The following SCAPER variants were observed in gnomAD, a reference collection of about 807,000 sequenced individuals.
The protein encoded by SCAPER is S-phase cyclin A associated protein in the ER, also known as S phase cyclin A-associated protein in the endoplasmic reticulum.
SCAPER carries 98 observed loss-of-function variants against 182.2 expected under a neutral mutation model. That is an observed-to-expected ratio of 0.54 (90% confidence interval 0.46 to 0.64). The LOEUF is 0.64. SCAPER is among the 30% of genes least tolerant of loss of function. The pLI is 0.00. For synonymous variants in SCAPER, 605 were observed against 564.6 expected (o/e 1.07, Z -1.01); for missense variants, 1,432 against 1,690.0 (o/e 0.85, Z 2.68).
intron 1 of SCAPER, among the ~76,000 whole-genome samples, chr15:76,895,774 C>T (rs1231951587): frequency 1.3e-5 from 2 of 152,144 alleles, no homozygotes; most frequent in Admixed American, 1.3e-4. Flanking sequence ...GGTGCAGGAG[C>T]TCACGCCTAT....
At chr15:76,826,451 T>C (rs541867969) in intron 5 of SCAPER, among the ~76,000 whole-genome samples, 2 of 148,070 alleles carry the variant, frequency 1.4e-5, no homozygotes, top group East Asian at 4.2e-4. Flanking sequence ...TTGGGAGATA[T>C]ACCTAATGCT....
chr15:76,713,198 A>C (rs75208359), intron 17 of SCAPER, among the ~76,000 whole-genome samples: 1 of 151,972 alleles, frequency 6.6e-6, no homozygotes. Flanking sequence ...AAACTAGTTC[A>C]ACCATTGTGG....
At chr15:76,806,064 CAA>C (rs2066141106) in intron 5 of SCAPER, among the ~76,000 whole-genome samples, 1 of 152,094 alleles carries the variant, frequency 6.6e-6, no homozygotes, top group Non-Finnish European at 1.5e-5. Context: ...TTGACACACA[CAA>C]GTTTTTAATT....
intron 8 of SCAPER, among the ~76,000 whole-genome samples, chr15:76,781,252 C>A (rs1422153796): frequency 6.6e-6 from 1 of 152,032 alleles, no homozygotes; most frequent in African/African-American, 2.4e-5. Context: ...GCACAAGCTT[C>A]AATAGCGGAT....
In SCAPER at chr15:76,804,614, T is replaced by C; in HGVS notation, c.413A>G (p.Asp138Gly). 1 of 1,608,200 alleles carries C rather than the reference T, an allele frequency of 6.2e-7. No homozygotes were observed. The highest frequency in any genetic ancestry group is 8.5e-7 in the Non-Finnish European group (1 of 1,177,856). Residue 138 changes from aspartate (D) to glycine (G), a missense_variant, in exon 6 of 32, where the codon GAT becomes GGT. By Grantham distance (94) the Asp-to-Gly change is moderately conservative (BLOSUM62 -1). Around this residue, in one of 5 missense-constraint regions of SCAPER, gnomAD observed 480 missense variants for 510.2 expected, o/e 0.94. Transcript: ENST00000563290. ...TGCTTTGAAATCTCTTACATAGTTA[T>C]CCAGCATCATTAGCACCTCCTAAAA... is the stretch of plus-strand genomic sequence containing the variant. Reference protein sequence around the residue: ...VECKEVLMMLDNYVRDFKALI... With the variant: ...VECKEVLMMLGNYVRDFKALI...
intron 22 of SCAPER, among the ~76,000 whole-genome samples, chr15:76,612,362 C>T (rs943605508): frequency 3.3e-5 from 5 of 152,086 alleles, no homozygotes; most frequent in African/African-American, 9.7e-5. Flanking sequence ...CTCAGCCTCC[C>T]GAGTAGCTGA....
At position 76,594,540 on chromosome 15, in the gene SCAPER, T is replaced by C. The variant is rs372426626; in HGVS notation, c.2712-20256A>G. On this transcript the variant is annotated intron_variant, in intron 22 of 31. Transcript: ENST00000563290. ...CACATAATCATCAGATTCACCAAGG[T>C]TGAAATGAAGGAAAACATGTTAAGG... 2.3e-4 allele frequency among the ~76,000 whole-genome samples: 27 copies of C among 119,714 alleles called. 6 individuals are homozygous for C. The highest frequency in any genetic ancestry group is 6.6e-4 in the Admixed American group (7 of 10,544). The allele number at this position is 119,714 out of a possible 152,430, so 78.5% of individuals were successfully genotyped here.
chr15:76,667,750 C>T lies in SCAPER; in HGVS notation c.2509-1961G>A, dbSNP rs765263784. ...GGAGGATCACTTGAGGGCAAGAGTT[C>T]GAGACCAGCCTGGCCAACATGGTAG... is the stretch of plus-strand genomic sequence containing the variant. On this transcript the variant is annotated intron_variant, in intron 20 of 31. Coordinates refer to ENST00000563290, the MANE Select transcript of SCAPER (RefSeq NM_020843.4). 1.2e-4 allele frequency among the ~76,000 whole-genome samples: 18 copies of T among 149,714 alleles called. 1 individual carries two copies. The highest frequency in any genetic ancestry group is 3.2e-4 in the African/African-American group (13 of 40,748).
intron 25 of SCAPER, among the ~76,000 whole-genome samples, chr15:76,463,089 T>C (rs1054805173): frequency 2.0e-5 from 3 of 152,130 alleles, no homozygotes; most frequent in African/African-American, 7.2e-5. Flanking sequence ...ATAAGACATA[T>C]GGCACAGGAG....
intron 5 of SCAPER, among the ~76,000 whole-genome samples, chr15:76,840,743 C>A (rs1017195303): frequency 6.6e-6 from 1 of 152,132 alleles, no homozygotes. Context: ...CTCTGGTTTT[C>A]CTCAAAATAG....
Position 76,528,708 on chromosome 15 carries a change from A to G in SCAPER, c.2839-23734T>C, listed in dbSNP as rs73446205. 6.6e-3 allele frequency among the ~76,000 whole-genome samples: 1,011 copies of G among 152,266 alleles called. 12 individuals are homozygous for G. The highest frequency in any genetic ancestry group is 0.023 in the African/African-American group (965 of 41,548). On this transcript the variant is annotated intron_variant, in intron 23 of 31. Coordinates refer to ENST00000563290, the MANE Select transcript of SCAPER (RefSeq NM_020843.4). Reference sequence around the variant, plus strand: ...CTATAGGTTTGCCTTCCTCCAATCTACTCACCACATTGCAGCCTGAAAGAT... The same window carrying G: ...CTATAGGTTTGCCTTCCTCCAATCTGCTCACCACATTGCAGCCTGAAAGAT...
At chr15:76,488,294 G>A (rs191924855) in intron 24 of SCAPER, among the ~76,000 whole-genome samples, 12 of 152,116 alleles carry the variant, frequency 7.9e-5, no homozygotes, top group African/African-American at 2.9e-4. Context: ...GGGCACAGAG[G>A]ATGATAAAAT....
chr15:76,448,889 G>A (rs2048184846), intron 25 of SCAPER, among the ~76,000 whole-genome samples: 1 of 152,186 alleles, frequency 6.6e-6, no homozygotes, highest in Non-Finnish European at 1.5e-5. Flanking sequence ...GTTGTGACAG[G>A]AAAGGGTGAT....
intron 17 of SCAPER, among the ~76,000 whole-genome samples, chr15:76,720,444 A>T (rs2060160558): frequency 1.3e-5 from 2 of 152,234 alleles, no homozygotes; most frequent in South Asian, 4.1e-4. Flanking sequence ...GTATATACCC[A>T]GTAATGGGAC....
chr15:76,673,623 G>T (rs191676821), intron 20 of SCAPER, among the ~76,000 whole-genome samples: 1 of 151,964 alleles, frequency 6.6e-6, no homozygotes, highest in Non-Finnish European at 1.5e-5. Flanking sequence ...ACATATACAC[G>T]TATTTCATTT....
chr15:76,461,417 C>T (rs1197106057), intron 25 of SCAPER, among the ~76,000 whole-genome samples: 1 of 151,622 alleles, frequency 6.6e-6, no homozygotes, highest in East Asian at 1.9e-4. Flanking sequence ...CTACATTTGT[C>T]CACTAATTTT....
At chr15:76,830,711 C>G (rs1040878723) in intron 5 of SCAPER, among the ~76,000 whole-genome samples, 1 of 151,666 alleles carries the variant, frequency 6.6e-6, no homozygotes, top group African/African-American at 2.4e-5. Context: ...TTTGTTTTAC[C>G]GGTTTAAAAT....
At chr15:76,373,838 G>A (rs1345570188) in intron 29 of SCAPER, among the ~76,000 whole-genome samples, 2 of 152,034 alleles carry the variant, frequency 1.3e-5, no homozygotes, top group Admixed American at 1.3e-4. Context: ...TACAGAGCAG[G>A]GCTTAGTGTC....
At chr15:76,723,995 TTGA>T (rs2060427023) in intron 17 of SCAPER, among the ~76,000 whole-genome samples, 1 of 152,214 alleles carries the variant, frequency 6.6e-6, no homozygotes, top group South Asian at 2.1e-4. Flanking sequence ...TGCTCATTAG[TTGA>T]TGCAGTTTCT....
Sources: allele counts gnomAD v4.1 joint callset (sites outside exome capture counted in the v4.1 genomes callset), GRCh38; gene constraint gnomAD v4.1.1; regional missense constraint gnomAD v4.1.1; transcripts MANE v1.5; gene names NCBI Gene and HGNC (gene_info 2026-07-23, HGNC 2026-07-21).